BICRAL: variants seen among roughly 807,000 people sequenced by gnomAD.
BICRAL encodes BRD4-interacting chromatin-remodeling complex-associated protein-like.
BICRAL carries 8 observed loss-of-function variants against 91.8 expected under a neutral mutation model. The observed-to-expected ratio is 0.09, with a 90% CI of 0.05 to 0.16. The LOEUF (loss-of-function observed/expected upper bound fraction) is 0.16. Ranked by LOEUF, BICRAL falls within the 10% of genes least tolerant of loss-of-function variation. The pLI is 1.00. For missense variants in BICRAL, 1,038 were observed against 1,310.9 expected (o/e 0.79, Z 3.21); for synonymous variants, 445 against 491.1 (o/e 0.91, Z 1.24).
At position 42,845,248 on chromosome 6, in the gene BICRAL, T is replaced by TTTTTTTTA. The variant is rs761742281; in HGVS notation, c.1840-6844_1840-6843insTTTTTTTA. 6.6e-5 allele frequency among the ~76,000 whole-genome samples: 7 copies of TTTTTTTTA among 105,456 alleles called. 1 individual carries two copies. The highest frequency in any genetic ancestry group is 1.3e-4 in the Non-Finnish European group (7 of 54,612). The allele number at this position is 105,456 out of a possible 152,430, so 69.2% of individuals were successfully genotyped here. On this transcript the variant is annotated intron_variant, in intron 6 of 12. Transcript: ENST00000314073. ...TTTTTTTTTTTTTTTTTTTTTTTTTTAGACAGAGTTTCAGTCGTCACCCAG... is the reference window on the plus strand; with the variant it reads ...TTTTTTTTTTTTTTTTTTTTTTTTTTTTTTTTTAAGACAGAGTTTCAGTCGTCACCCAG...
intron 1 of BICRAL, among the ~76,000 whole-genome samples, chr6:42,809,151 A>G (rs1261035069): frequency 1.7e-5 from 2 of 120,720 alleles, no homozygotes; most frequent in East Asian, 4.6e-4. Context: ...CCCTGTTCTC[A>G]TTGTTCAACT....
rs1765774721 is a variant in BICRAL at position 42,868,481 on chromosome 6, T to A, written c.*3035T>A. The A allele has an allele frequency of 1.3e-5, 2 of 152,606 alleles. No individual in the cohort carries two copies. The highest frequency in any genetic ancestry group is 1.3e-4 in the Admixed American group (2 of 15,266). The allele number at this position is 152,606 out of a possible 1,614,324, so 9.5% of individuals were successfully genotyped here. ...AACCAGTCAGTAACTATATTGTTAATCCATGGTTAGGAAATGTTTAGTTGG... is the reference window on the plus strand; with the variant it reads ...AACCAGTCAGTAACTATATTGTTAAACCATGGTTAGGAAATGTTTAGTTGG... On this transcript the variant is annotated 3_prime_UTR_variant, in exon 13 of 13. Coordinates refer to ENST00000314073, the MANE Select transcript of BICRAL (RefSeq NM_001393499.1).
At chr6:42,843,908 C>A (rs1403413052) in intron 6 of BICRAL, among the ~76,000 whole-genome samples, 1 of 150,868 alleles carries the variant, frequency 6.6e-6, no homozygotes, top group Non-Finnish European at 1.5e-5. Flanking sequence ...AAGTGATTCT[C>A]CTGCCTCAGC....
At chr6:42,758,991 A>G (rs1762503439) in intron 1 of BICRAL, among the ~76,000 whole-genome samples, 1 of 152,334 alleles carries the variant, frequency 6.6e-6, no homozygotes, top group East Asian at 1.9e-4. Context: ...GGCTAAAGCA[A>G]TGTTCTCAAC....
intron 1 of BICRAL, among the ~76,000 whole-genome samples, chr6:42,788,488 T>A (rs1192151420): frequency 6.6e-6 from 1 of 151,810 alleles, no homozygotes; most frequent in African/African-American, 2.4e-5. Flanking sequence ...TCCCAAAATG[T>A]TGGGATTATA....
chr6:42,830,320 CTT>C (rs1764437612), intron 6 of BICRAL, 148 bp downstream of exon 6: 1 of 759,534 alleles, frequency 1.3e-6, no homozygotes, highest in Non-Finnish European at 2.1e-6. Flanking sequence ...AATCCCAACA[CTT>C]TGGGAGGCCA....
chr6:42,815,984 CAAA>C (rs746928245), intron 2 of BICRAL, among the ~76,000 whole-genome samples: 176 of 39,238 alleles, frequency 4.5e-3, no homozygotes, highest in African/African-American at 0.012. Flanking sequence ...AACTCTGTCT[CAAA>C]AAAAAAAAAA....
chr6:42,770,412 A>ATT lies in BICRAL; in HGVS notation c.-260-11409_-260-11408dup, dbSNP rs531644287. ...CCCGGCTAATTTTATTATTATTATT[A>ATT]TTTTTTTTTTTTTTTTTTTGAGACG... On this transcript the variant is annotated intron_variant, in intron 1 of 14. Transcript: ENST00000614467. Among the ~76,000 whole-genome samples the ATT allele has an allele frequency of 5.4e-3, 681 of 126,204 alleles. 9 individuals carry two copies. The highest frequency in any genetic ancestry group is 0.021 in the African/African-American group (663 of 31,816). 82.8% of individuals were successfully genotyped at this position (126,204 alleles called of 152,430 possible).
At chr6:42,862,469 T>A (rs780224239) in intron 11 of BICRAL, 41 bp from the exon 12 acceptor site, 2 of 1,320,968 alleles carry the variant, frequency 1.5e-6, no homozygotes, top group East Asian at 2.3e-5. Context: ...AACCATTTTT[T>A]AAAAATTGTC....
rs558769254 is a variant in BICRAL, at chr6:42,847,691, G to A, written c.1840-4401G>A. Among the ~76,000 whole-genome samples the A allele has an allele frequency of 1.7e-4, 26 of 152,256 alleles. 1 individual carries two copies. The highest frequency in any genetic ancestry group is 1.4e-3 in the Admixed American group (21 of 15,278). On this transcript the variant is annotated intron_variant, in intron 6 of 12. Transcript: ENST00000314073. ...TGTAATCCCAGCACTTTGGGAGGCC[G>A]AGGCAGGTGGATCATGAAGTCAGGA...
intron 1 of BICRAL, among the ~76,000 whole-genome samples, chr6:42,761,131 G>T (rs970978235): frequency 6.6e-6 from 1 of 152,174 alleles, no homozygotes. Context: ...ATGTAGTGGT[G>T]CTAATAAGTG....
intron 1 of BICRAL, among the ~76,000 whole-genome samples, chr6:42,804,024 G>C (rs1410348035): frequency 6.6e-6 from 1 of 152,062 alleles, no homozygotes; most frequent in Non-Finnish European, 1.5e-5. Flanking sequence ...GTGTTTGTTT[G>C]TTTGTTTGTT....
chr6:42,817,132 C>T (rs1406939246), intron 2 of BICRAL, among the ~76,000 whole-genome samples: 1 of 150,810 alleles, frequency 6.6e-6, no homozygotes, highest in Non-Finnish European at 1.5e-5. Context: ...TACATTTACA[C>T]ACACACATCA....
At chr6:42,841,951 G>C (rs1764810862) in intron 6 of BICRAL, among the ~76,000 whole-genome samples, 1 of 152,158 alleles carries the variant, frequency 6.6e-6, no homozygotes, top group Non-Finnish European at 1.5e-5. Context: ...GGCTTTAAGA[G>C]AGACTAGAAT....
chr6:42,856,042 TGAG>T, intron 9 of BICRAL, 125 bp downstream of exon 9: 1 of 806,260 alleles, frequency 1.2e-6, no homozygotes, highest in South Asian at 1.5e-5. Flanking sequence ...AAATGTACTT[TGAG>T]GCAAGGCATG....
chr6:42,780,725 A>ATGT (rs775257336), upstream of BICRAL, among the ~76,000 whole-genome samples: 31 of 145,204 alleles, frequency 2.1e-4, no homozygotes, highest in Non-Finnish European at 2.9e-4. Context: ...AGGCCACGTA[A>ATGT]TGTTGTTGTT....
chr6:42,841,334 G>A (rs1428215590), intron 6 of BICRAL, among the ~76,000 whole-genome samples: 19 of 151,480 alleles, frequency 1.3e-4, no homozygotes, highest in South Asian at 2.1e-4. Context: ...GACTACAGGC[G>A]TGCACCACCA....
chr6:42,787,505 C>G (rs1028899298), intron 1 of BICRAL, among the ~76,000 whole-genome samples: 1 of 151,972 alleles, frequency 6.6e-6, no homozygotes, highest in African/African-American at 2.4e-5. Flanking sequence ...TAATAAAACT[C>G]TGGTCTCCCA....
At chr6:42,846,992 G>T (rs1765030497) in intron 6 of BICRAL, among the ~76,000 whole-genome samples, 1 of 152,222 alleles carries the variant, frequency 6.6e-6, no homozygotes, top group Non-Finnish European at 1.5e-5. Flanking sequence ...AGTTAGGCTT[G>T]GTGGCTTATG....
Sources: gnomAD v4.1 joint callset for allele counts (sites outside exome capture counted in the v4.1 genomes callset) on GRCh38, gnomAD v4.1.1 for gene constraint, MANE v1.5 for transcripts, NCBI Gene and HGNC (gene_info 2026-07-23, HGNC 2026-07-21) for gene names.